The following KIAA1217 variants were observed in gnomAD, a reference collection of about 807,000 sequenced individuals.
KIAA1217 encodes the protein sickle tail protein homolog.
A neutral mutation model predicts 163.9 loss-of-function variants in KIAA1217; 88 were observed. The observed-to-expected ratio is 0.54, with a 90% CI of 0.45 to 0.64. The LOEUF (loss-of-function observed/expected upper bound fraction) is 0.64. KIAA1217 is among the 30% of genes least tolerant of loss of function. The probability of loss-of-function intolerance (pLI) is 0.00; values close to 1 mark genes in which losing one functional copy is unlikely to be tolerated. For synonymous variants in KIAA1217, 903 were observed against 923.1 expected (o/e 0.98, Z 0.39); for missense variants, 2,372 against 2,475.0 (o/e 0.96, Z 0.88).
At chr10:24,406,439 A>G (rs2057231522) in intron 3 of KIAA1217, among the ~76,000 whole-genome samples, 1 of 150,858 alleles carries the variant, frequency 6.6e-6, no homozygotes, top group Admixed American at 6.6e-5. Flanking sequence ...ATGAACACAC[A>G]CATTGCTAAT....
intron 2 of KIAA1217, among the ~76,000 whole-genome samples, chr10:24,181,073 C>T (rs141827798): frequency 0.013 from 2,051 of 152,264 alleles, 22 homozygotes; most frequent in Middle Eastern, 0.058. Context: ...TTTGAGCACA[C>T]GTTAGGAGCT....
intron 2 of KIAA1217, among the ~76,000 whole-genome samples, chr10:24,016,906 A>G (rs1303003969): frequency 2.0e-5 from 3 of 152,150 alleles, no homozygotes. Flanking sequence ...GAGTAATACA[A>G]TATAGAACTA....
chr10:23,994,226 A>G (rs1219171950), intron 1 of KIAA1217, among the ~76,000 whole-genome samples: 1 of 152,212 alleles, frequency 6.6e-6, no homozygotes, highest in Non-Finnish European at 1.5e-5. Context: ...GTTGATGACT[A>G]TTGAAGCTGA....
chr10:23,910,569 C>G (rs1378861157), intron 1 of KIAA1217, among the ~76,000 whole-genome samples: 1 of 152,128 alleles, frequency 6.6e-6, no homozygotes, highest in Non-Finnish European at 1.5e-5. Flanking sequence ...GAACAGGACT[C>G]TCAGTTAAGT....
intron 2 of KIAA1217, among the ~76,000 whole-genome samples, chr10:24,299,535 A>G (rs116911492): frequency 0.01 from 1,576 of 152,192 alleles, 30 homozygotes; most frequent in East Asian, 0.084. Flanking sequence ...AGTAGCTGAG[A>G]CCATAGGTGT....
intron 2 of KIAA1217, among the ~76,000 whole-genome samples, chr10:24,344,348 G>T (rs899469936): frequency 2.0e-5 from 3 of 152,148 alleles, no homozygotes; most frequent in African/African-American, 7.2e-5. Context: ...TATTTCTTGC[G>T]CTTTGTCTTT....
At chr10:24,269,531 A>G (rs2076575544) in intron 2 of KIAA1217, among the ~76,000 whole-genome samples, 1 of 152,210 alleles carries the variant, frequency 6.6e-6, no homozygotes. Flanking sequence ...CTTAAAAAAC[A>G]AAAAGATTGC....
At chr10:24,141,235 C>CG (rs1554882547) in intron 2 of KIAA1217, among the ~76,000 whole-genome samples, 7 of 135,204 alleles carry the variant, frequency 5.2e-5, no homozygotes, top group East Asian at 5.0e-4. Flanking sequence ...ACCCCCCCCC[C>CG]CCATTTCTCT....
intron 2 of KIAA1217, among the ~76,000 whole-genome samples, chr10:24,310,951 T>C (rs945026289): frequency 1.6e-4 from 24 of 152,150 alleles, no homozygotes; most frequent in Non-Finnish European, 1.5e-5. Flanking sequence ...TGAGCCAAGA[T>C]TGTACCACTG....
intron 2 of KIAA1217, among the ~76,000 whole-genome samples, chr10:24,083,324 C>T (rs1241376341): frequency 6.6e-6 from 1 of 152,164 alleles, no homozygotes; most frequent in Non-Finnish European, 1.5e-5. Context: ...CACCATGGCA[C>T]AGAGGACATT....
At chr10:23,933,226 T>C (rs1564544120) in intron 1 of KIAA1217, among the ~76,000 whole-genome samples, 1 of 151,940 alleles carries the variant, frequency 6.6e-6, no homozygotes, top group East Asian at 1.9e-4. Flanking sequence ...GCAGGGAGAG[T>C]TGAAGAGAGA....
At chr10:24,309,945 T>C (rs1228045061) in intron 2 of KIAA1217, among the ~76,000 whole-genome samples, 1 of 152,196 alleles carries the variant, frequency 6.6e-6, no homozygotes, top group African/African-American at 2.4e-5. Flanking sequence ...TTTGCACCTG[T>C]AAAATGTGAA....
At chr10:23,964,583 G>A (rs986759728) in intron 1 of KIAA1217, among the ~76,000 whole-genome samples, 3 of 147,524 alleles carry the variant, frequency 2.0e-5, no homozygotes, top group Admixed American at 6.7e-5. Flanking sequence ...TTTTTTTTTT[G>A]TCTTGCTCTG....
intron 1 of KIAA1217, among the ~76,000 whole-genome samples, chr10:23,933,156 G>C (rs578077486): frequency 2.0e-5 from 3 of 152,348 alleles, no homozygotes; most frequent in African/African-American, 7.2e-5. Context: ...TGTGGAGCTA[G>C]GGTCTGCTCG....
chr10:24,398,876 T>C (rs539098888), intron 3 of KIAA1217, among the ~76,000 whole-genome samples: 110 of 152,332 alleles, frequency 7.2e-4, no homozygotes, highest in African/African-American at 2.4e-3. Flanking sequence ...ATTTCTGAGC[T>C]GCCAGTTACC....
At chr10:24,392,506 T>C (rs1459352643) in intron 3 of KIAA1217, among the ~76,000 whole-genome samples, 3 of 152,216 alleles carry the variant, frequency 2.0e-5, no homozygotes, top group African/African-American at 7.2e-5. Context: ...ATAATTGCTT[T>C]AGCCCTCAGA....
chr10:23,959,521 AT>A (rs1240053442), intron 1 of KIAA1217, among the ~76,000 whole-genome samples: 1 of 152,240 alleles, frequency 6.6e-6, no homozygotes, highest in African/African-American at 2.4e-5. Context: ...CTCTTAAAAA[AT>A]AAATGAATGC....
intron 2 of KIAA1217, among the ~76,000 whole-genome samples, chr10:24,069,991 C>T (rs1478008517): frequency 2.0e-5 from 3 of 152,158 alleles, no homozygotes; most frequent in Non-Finnish European, 4.4e-5. Flanking sequence ...AGGTACACAC[C>T]ACCACAAATG....
chr10:23,927,164 C>T (rs755713824), intron 1 of KIAA1217, among the ~76,000 whole-genome samples: 1 of 152,172 alleles, frequency 6.6e-6, no homozygotes, highest in Non-Finnish European at 1.5e-5. Context: ...ACCTCAGCCT[C>T]CCAAAGTGCT....
Sources: allele counts gnomAD v4.1 joint callset (sites outside exome capture counted in the v4.1 genomes callset), GRCh38; gene constraint gnomAD v4.1.1; transcripts MANE v1.5; gene names NCBI Gene and HGNC (gene_info 2026-07-23, HGNC 2026-07-21).